Variants in RPL17 observed in about 807,000 individuals in gnomAD.
The protein encoded by RPL17 is large ribosomal subunit protein uL22.
A neutral mutation model predicts 27.7 loss-of-function variants in RPL17; 2 were observed. The ratio of observed to expected loss-of-function variants is 0.07; its 90% confidence interval spans 0.03 to 0.23. The LOEUF is 0.23. RPL17 is among the 10% of genes least tolerant of loss of function. The pLI is 1.00. For synonymous variants in RPL17, 76 were observed against 75.5 expected, an observed-to-expected ratio of 1.01 and a Z score of -0.03; for missense variants, 141 against 238.8, an observed-to-expected ratio of 0.59 and a Z score of 2.70.
chr18:49,491,479 A>T (rs774189232), intron 2 of RPL17, 34 bp from the exon 3 acceptor site: 2 of 1,614,140 alleles, frequency 1.2e-6, no homozygotes, highest in Non-Finnish European at 1.7e-6. Flanking sequence ...AATTTTTGGT[A>T]TCTTATGCCA....
In RPL17 at chr18:49,488,582, T is replaced by TGTG. The variant is rs2148814447; in HGVS notation, c.508-19_508-17dup. Reference sequence around the variant, plus strand: ...TCTGGGATATCTGGGGAAAGAAAAATGTGTTAAGTTTCTTAGAGAAAACCA... The same window carrying TGTG: ...TCTGGGATATCTGGGGAAAGAAAAATGTGGTGTTAAGTTTCTTAGAGAAAACCA... On this transcript the variant is annotated splice_polypyrimidine_tract_variant and intron_variant, in intron 6 of 6. Coordinates refer to ENST00000580261, the MANE Select transcript of RPL17 (RefSeq NM_001035006.5). The TGTG allele has an allele frequency of 7.2e-7, 1 of 1,387,478 alleles. No individual in the cohort carries two copies. The highest frequency in any genetic ancestry group is 1.0e-6 in the Non-Finnish European group (1 of 1,000,472). 85.9% of individuals were successfully genotyped at this position (1,387,478 alleles called of 1,614,324 possible).
chr18:49,491,621 C>G (rs1388466273), intron 1 of RPL17, 37 bp from the exon 2 acceptor site: 2 of 1,603,636 alleles, frequency 1.2e-6, no homozygotes, highest in Admixed American at 1.7e-5. Context: ...TCAATACGTA[C>G]TTACAGTAAC....
At chr18:49,490,594 A>T in intron 4 of RPL17, 42 bp from the exon 5 acceptor site, 1 of 1,612,334 alleles carries the variant, frequency 6.2e-7, no homozygotes, top group South Asian at 1.1e-5. Flanking sequence ...CCTTGATTTA[A>T]ATTAACATTA....
intron 6 of RPL17, 68 bp downstream of exon 6, chr18:49,489,291 A>G (rs898129302): frequency 6.5e-7 from 1 of 1,543,662 alleles, no homozygotes; most frequent in Non-Finnish European, 8.9e-7. Context: ...AGGTGTCCTA[A>G]GATAGTCATC....
chr18:49,491,054 TAAAA>T, intron 3 of RPL17, 127 bp from the exon 4 acceptor site: 1 of 1,462,050 alleles, frequency 6.8e-7, no homozygotes, highest in South Asian at 1.3e-5. Flanking sequence ...GCAAGGCAAT[TAAAA>T]AAACTTGTGA....
rs116008509 is a variant in RPL17 at position 49,490,992 on chromosome 18, A to G, written c.82-65T>C. On this transcript the variant is annotated intron_variant, in intron 3 of 6. Coordinates refer to ENST00000580261, the MANE Select transcript of RPL17 (RefSeq NM_001035006.5). ...GCTTTAATTTTTAAAGTAAACGTTAAATTTTCAATTTTCAGCTTTTCAAAA... is the reference window on the plus strand; with the variant it reads ...GCTTTAATTTTTAAAGTAAACGTTAGATTTTCAATTTTCAGCTTTTCAAAA... 5,374 of 1,594,010 alleles carry G rather than the reference A, an allele frequency of 3.4e-3. 157 individuals carry two copies. In the African/African-American group the frequency reaches 0.063, roughly 19 times the overall value.
Position 49,488,491 on chromosome 18 carries a change from T to G in RPL17, c.*28A>C. The G allele has an allele frequency of 7.8e-7, 1 of 1,280,774 alleles. No individual in the cohort carries two copies. The highest frequency in any genetic ancestry group is 1.1e-6 in the Non-Finnish European group (1 of 876,824). The allele number at this position is 1,280,774 out of a possible 1,614,324, so 79.3% of individuals were successfully genotyped here. The stretch of plus-strand genomic sequence containing the variant: ...TAAAGACAACCAACATTCTTTTCCT[T>G]TTAATTACATTTATTTTAATGCTGA... On this transcript the variant is annotated 3_prime_UTR_variant, in exon 7 of 7. Transcript: ENST00000580261.
intron 6 of RPL17, among the ~76,000 whole-genome samples, chr18:49,488,814 A>C (rs1486824384): frequency 1.3e-5 from 2 of 152,146 alleles, no homozygotes; most frequent in African/African-American, 4.8e-5. Context: ...ATTTGGGGAG[A>C]GGGCCCATTT....
At chr18:49,491,648 T>C (rs1354854121) in intron 1 of RPL17, 64 bp from the exon 2 acceptor site, 2 of 1,573,800 alleles carry the variant, frequency 1.3e-6, no homozygotes, top group Admixed American at 1.7e-5. Flanking sequence ...AGTATAAATA[T>C]CAGATGATTC....
rs751525294 is a variant in RPL17, at chr18:49,490,442, T to G, written c.315+12A>C. 4.3e-6 allele frequency: 7 copies of G among 1,613,736 alleles called. No individual in the cohort carries two copies. The highest frequency in any genetic ancestry group is 5.9e-6 in the Non-Finnish European group (7 of 1,179,718). On this transcript the variant is annotated intron_variant, in intron 5 of 6. Transcript: ENST00000580261. Reference sequence around the variant, plus strand: ...CCACCCAAGTTGCACAGGATGTTAGTGGTTTGGGTACCTTAAGTTCAGCAT... The same window carrying G: ...CCACCCAAGTTGCACAGGATGTTAGGGGTTTGGGTACCTTAAGTTCAGCAT...
chr18:49,488,903 G>GTTT (rs34048856), intron 6 of RPL17, among the ~76,000 whole-genome samples: 4 of 146,628 alleles, frequency 2.7e-5, no homozygotes, highest in African/African-American at 5.0e-5. Flanking sequence ...AAAACTACCA[G>GTTT]TTTTTTTTTT....
chr18:49,491,081 T>A (rs2084037016), intron 3 of RPL17, 154 bp from the exon 4 acceptor site: 4 of 1,252,546 alleles, frequency 3.2e-6, no homozygotes, highest in Non-Finnish European at 4.4e-6. Flanking sequence ...AAAAGCCAGG[T>A]AAACTTCGTT....
chr18:49,489,193 A>T, intron 6 of RPL17, 166 bp downstream of exon 6: 2 of 684,164 alleles, frequency 2.9e-6, no homozygotes, highest in Non-Finnish European at 2.4e-6. Flanking sequence ...CTTACCATTT[A>T]TTATTAGTCA....
chr18:49,488,655 G>C, intron 6 of RPL17, 89 bp from the exon 7 acceptor site: 2 of 787,016 alleles, frequency 2.5e-6, no homozygotes, highest in Non-Finnish European at 4.5e-6. Context: ...AGGAAACCTA[G>C]TCGTTAAGGA....
chr18:49,491,028 T>A, intron 3 of RPL17, 101 bp from the exon 4 acceptor site: 3 of 1,560,212 alleles, frequency 1.9e-6, no homozygotes, highest in Non-Finnish European at 2.6e-6. Flanking sequence ...TGTCGAGTTA[T>A]TTCTATTCTT....
At chr18:49,492,272 G>C (rs113963488) in intron 1 of RPL17, 186 bp downstream of exon 1, 1 of 152,726 alleles carries the variant, frequency 6.5e-6, no homozygotes, top group Non-Finnish European at 1.5e-5. Flanking sequence ...GAGGCCGACT[G>C]ACCCCGGCTC....
At position 49,491,536 on chromosome 18, in the gene RPL17, C is replaced by T. The variant is rs367560177; in HGVS notation, c.36G>A (p.Thr12=). ...ATCTACCTCCTGTCCACTTACATTT[C>T]GTGGGGTTCTCCGGGTCAAGTGAAT... ...VRYSLDPENP[T]KSCKSRGSNL... Residue 12 remains threonine (T), a synonymous_variant, in exon 2 of 7, where the codon ACG becomes ACA. Transcript: ENST00000580261. 148 of 1,614,088 alleles carry T rather than the reference C, an allele frequency of 9.2e-5. No homozygotes were observed. The highest frequency in any genetic ancestry group is 1.2e-4 in the Non-Finnish European group (144 of 1,180,046).
At chr18:49,488,838 TACA>T (rs1336901900) in intron 6 of RPL17, among the ~76,000 whole-genome samples, 2 of 151,914 alleles carry the variant, frequency 1.3e-5, no homozygotes, top group African/African-American at 2.4e-5. Context: ...AGTGGCTATG[TACA>T]TCTAAGTGGG....
In RPL17 at chr18:49,490,300, G is replaced by A. The variant is rs573514066; in HGVS notation, c.315+154C>T. ...ATAAAGGGACTCAAAAAAAATAAAA[G>A]GAAATAGTTTCATTCTGTGGAAACT... On this transcript the variant is annotated intron_variant, in intron 5 of 6. Transcript: ENST00000580261. 18 of 817,066 alleles carry A rather than the reference G, an allele frequency of 2.2e-5. No individual in the cohort carries two copies. In the African/African-American group the frequency reaches 2.4e-4, roughly 11 times the overall value. 50.6% of individuals were successfully genotyped at this position (817,066 alleles called of 1,614,324 possible).
Sources: gnomAD v4.1 joint callset for allele counts (sites outside exome capture counted in the v4.1 genomes callset) on GRCh38, gnomAD v4.1.1 for gene constraint, MANE v1.5 for transcripts, NCBI Gene and HGNC (gene_info 2026-07-23, HGNC 2026-07-21) for gene names.